Variants in BAZ1A observed in about 807,000 individuals in gnomAD.
The protein encoded by BAZ1A is bromodomain adjacent to zinc finger domain protein 1A.
BAZ1A carries 50 observed loss-of-function variants against 185.2 expected under a neutral mutation model. That is an observed-to-expected ratio of 0.27 (90% CI 0.22 to 0.34). The LOEUF (loss-of-function observed/expected upper bound fraction) is 0.34, where lower values mean the gene tolerates loss of function less well. Ranked by LOEUF, BAZ1A falls within the 10% of genes least tolerant of loss-of-function variation. The pLI, the probability that BAZ1A is intolerant of heterozygous loss-of-function variation, is 1.00. For missense variants in BAZ1A, 1,356 were observed against 1,839.9 expected, an observed-to-expected ratio of 0.74 and a Z score of 4.81; for synonymous variants, 571 against 615.6, an observed-to-expected ratio of 0.93 and a Z score of 1.07.
At chr14:34,873,747 C>T (rs1478953975) in intron 2 of BAZ1A, among the ~76,000 whole-genome samples, 1 of 144,822 alleles carries the variant, frequency 6.9e-6, no homozygotes, top group Non-Finnish European at 1.5e-5. Context: ...ACTGATCTCC[C>T]GGGGGCGGAG....
At chr14:34,777,633 G>C (rs4982209) in intron 17 of BAZ1A, among the ~76,000 whole-genome samples, 84,915 of 146,536 alleles carry the variant, frequency 0.58, 24,814 homozygotes, top group South Asian at 0.67. Context: ...GATAGAGTGA[G>C]ACTCTGTCTC....
intron 3 of BAZ1A, among the ~76,000 whole-genome samples, chr14:34,844,978 T>C (rs2042485608): frequency 6.6e-6 from 1 of 152,178 alleles, no homozygotes; most frequent in South Asian, 2.1e-4. Flanking sequence ...TACAGCCATA[T>C]TCATTCATTT....
intron 6 of BAZ1A, 65 bp downstream of exon 6, chr14:34,807,386 A>G (rs1458759751): frequency 2.6e-6 from 3 of 1,163,872 alleles, no homozygotes; most frequent in East Asian, 2.6e-5. Context: ...CAGCAATGTT[A>G]TAACTTTATA....
intron 3 of BAZ1A, among the ~76,000 whole-genome samples, chr14:34,839,459 A>C (rs927002580): frequency 6.6e-6 from 1 of 150,772 alleles, no homozygotes; most frequent in Admixed American, 6.6e-5. Flanking sequence ...GGATGGCTTT[A>C]GCCCAGAAGG....
chr14:34,842,726 A>C (rs537426216), intron 3 of BAZ1A, among the ~76,000 whole-genome samples: 1 of 152,272 alleles, frequency 6.6e-6, no homozygotes, highest in Admixed American at 6.5e-5. Context: ...TATTCCTCCC[A>C]AACAGAAGCA....
chr14:34,781,328 G>A (rs1190892564), intron 16 of BAZ1A, among the ~76,000 whole-genome samples: 3 of 152,104 alleles, frequency 2.0e-5, no homozygotes, highest in Non-Finnish European at 4.4e-5. Context: ...GTATTCACAA[G>A]GTTATGCAAT....
intron 3 of BAZ1A, among the ~76,000 whole-genome samples, chr14:34,844,758 AACAC>A (rs201763795): frequency 3.8e-5 from 5 of 130,846 alleles, no homozygotes; most frequent in Non-Finnish European, 8.0e-5. Flanking sequence ...ACCCTGTCTA[AACAC>A]ACACACACAC....
At chr14:34,855,486 G>A (rs530881517) in intron 3 of BAZ1A, among the ~76,000 whole-genome samples, 39 of 152,242 alleles carry the variant, frequency 2.6e-4, no homozygotes, top group South Asian at 4.1e-4. Flanking sequence ...TTGTTCTTTC[G>A]TCAGTTAAGC....
At chr14:34,847,200 C>T (rs947195847) in intron 3 of BAZ1A, among the ~76,000 whole-genome samples, 3 of 150,230 alleles carry the variant, frequency 2.0e-5, no homozygotes, top group Admixed American at 6.7e-5. Flanking sequence ...TGCAGTGAGC[C>T]GATATCCAGA....
At chr14:34,778,514 TA>T (rs1177077762) in intron 17 of BAZ1A, among the ~76,000 whole-genome samples, 1 of 152,242 alleles carries the variant, frequency 6.6e-6, no homozygotes, top group Non-Finnish European at 1.5e-5. Flanking sequence ...AATTCACCTA[TA>T]AAGTTGTCTA....
rs985440732 is a variant in BAZ1A, at chr14:34,875,313, G to C, written c.-234C>G. On this transcript the variant is annotated 5_prime_UTR_variant, in exon 1 of 27. Coordinates refer to ENST00000360310, the MANE Select transcript of BAZ1A (RefSeq NM_013448.3). ...AATTGCGTCCCACCGCCACTTCCCCGCCTCTCGGAGCTCCTGGGAAGTTTC... is the reference window on the plus strand; with the variant it reads ...AATTGCGTCCCACCGCCACTTCCCCCCCTCTCGGAGCTCCTGGGAAGTTTC... The C allele has an allele frequency of 4.6e-5, 21 of 455,716 alleles. No homozygotes were observed. The highest frequency in any genetic ancestry group is 6.6e-4 in the Middle Eastern group (2 of 3,008). The allele number at this position is 455,716 out of a possible 1,614,324, so 28.2% of individuals were successfully genotyped here.
chr14:34,775,278 A>C (rs1879519044), intron 18 of BAZ1A, among the ~76,000 whole-genome samples: 1 of 152,206 alleles, frequency 6.6e-6, no homozygotes, highest in Non-Finnish European at 1.5e-5. Flanking sequence ...GGTCATGGTA[A>C]CATGCCCCTA....
At chr14:34,872,113 T>C (rs1354465373) in intron 2 of BAZ1A, among the ~76,000 whole-genome samples, 1 of 152,206 alleles carries the variant, frequency 6.6e-6, no homozygotes, top group African/African-American at 2.4e-5. Context: ...ACATCAGCAA[T>C]ACTCCTTAAT....
intron 23 of BAZ1A, 64 bp from the exon 24 acceptor site, chr14:34,762,287 A>G (rs527563396): frequency 1.4e-6 from 2 of 1,449,270 alleles, no homozygotes; most frequent in Non-Finnish European, 1.9e-6. Context: ...GATTAGCTCT[A>G]TTCTCCTTGT....
In BAZ1A at chr14:34,831,042, C is replaced by A. The variant is rs1404064896; in HGVS notation, c.393-4886G>T. Among the ~76,000 whole-genome samples, 4 of 152,248 alleles carry A rather than the reference C, an allele frequency of 2.6e-5. No individual in the cohort carries two copies. The East Asian group carries it at 7.7e-4, about 29-fold the overall frequency. On this transcript the variant is annotated intron_variant, in intron 3 of 26. Coordinates refer to ENST00000360310, the MANE Select transcript of BAZ1A (RefSeq NM_013448.3). ...TACAAATATTCTAAGCACATAAATA[C>A]CTACCATTGGGCTAAATCTCTATTC...
intron 12 of BAZ1A, among the ~76,000 whole-genome samples, chr14:34,789,582 T>C (rs1880709187): frequency 6.6e-6 from 1 of 152,170 alleles, no homozygotes; most frequent in East Asian, 1.9e-4. Flanking sequence ...TAGACAATGA[T>C]CCAACAAATA....
intron 12 of BAZ1A, among the ~76,000 whole-genome samples, chr14:34,788,175 G>C (rs2184621): frequency 2.4e-4 from 36 of 151,960 alleles, no homozygotes; most frequent in African/African-American, 7.0e-4. Flanking sequence ...CCGCCACCAC[G>C]CCTGGCTAAT....
At chr14:34,826,183 T>C (rs759396697) in intron 3 of BAZ1A, 27 bp from the exon 4 acceptor site, 2 of 1,601,230 alleles carry the variant, frequency 1.2e-6, no homozygotes, top group Non-Finnish European at 1.7e-6. Context: ...CATTTAAAAA[T>C]GCAAATCATT....
At chr14:34,860,518 T>TAAAAAAAAAAAAAAACAAAAAAAAAAA (rs2042751046) in intron 3 of BAZ1A, among the ~76,000 whole-genome samples, 1 of 70,608 alleles carries the variant, frequency 1.4e-5, no homozygotes, top group African/African-American at 6.3e-5. Context: ...TACCAAAAGT[T>TAAAAAAAAAAAAAAACAAAAAAAAAAA]AAAAAAAAAA....
Sources: gnomAD v4.1 joint callset for allele counts (sites outside exome capture counted in the v4.1 genomes callset) on GRCh38, gnomAD v4.1.1 for gene constraint, MANE v1.5 for transcripts, NCBI Gene and HGNC (gene_info 2026-07-23, HGNC 2026-07-21) for gene names.